ENTPD3: variants seen among roughly 807,000 people sequenced by gnomAD.
ENTPD3 encodes CD39 antigen-like 3.
In ENTPD3, 60 loss-of-function variants were observed where a neutral mutation model predicts 51.2. The ratio of observed to expected loss-of-function variants is 1.17; its 90% CI spans 0.95 to 1.45. The LOEUF is 1.45. Ranked by LOEUF, ENTPD3 falls within the 40% of genes most tolerant of loss-of-function variation. The pLI is 0.00. For synonymous variants in ENTPD3, 221 were observed against 238.4 expected, an observed-to-expected ratio of 0.93 and a Z score of 0.67; for missense variants, 593 against 641.1, an observed-to-expected ratio of 0.93 and a Z score of 0.81.
At chr3:40,392,882 A>G (rs963493556) in intron 3 of ENTPD3, among the ~76,000 whole-genome samples, 8 of 152,078 alleles carry the variant, frequency 5.3e-5, no homozygotes, top group Non-Finnish European at 1.0e-4. Flanking sequence ...TGAACAAAAA[A>G]TCAAGAACTT....
At chr3:40,398,573 C>A (rs1476948911) in intron 3 of ENTPD3, among the ~76,000 whole-genome samples, 1 of 152,104 alleles carries the variant, frequency 6.6e-6, no homozygotes, top group Non-Finnish European at 1.5e-5. Context: ...ACCCTTGTTC[C>A]CCATGAGGGA....
In ENTPD3 at chr3:40,388,112, G is replaced by A; in HGVS notation, c.40+15G>A. On this transcript the variant is annotated intron_variant, in intron 2 of 10. Transcript: ENST00000301825. Reference sequence around the variant, plus strand: ...TGAGCAAGCAGGTTAGTATCTCTCAGCAGGTAGCAAGCGTGGTTTTGCCAA... The same window carrying A: ...TGAGCAAGCAGGTTAGTATCTCTCAACAGGTAGCAAGCGTGGTTTTGCCAA... 6.2e-7 allele frequency: 1 copy of A among 1,614,070 alleles called. No homozygotes were observed. The highest frequency in any genetic ancestry group is 8.5e-7 in the Non-Finnish European group (1 of 1,179,942).
chr3:40,402,496 C>G (rs140465105), intron 4 of ENTPD3, among the ~76,000 whole-genome samples: 3 of 152,146 alleles, frequency 2.0e-5, no homozygotes, highest in Admixed American at 2.0e-4. Flanking sequence ...TATTTATAGG[C>G]ATTTCTGTTT....
intron 3 of ENTPD3, chr3:40,399,578 G>T (rs141573924): frequency 6.6e-6 from 1 of 152,156 alleles, no homozygotes; most frequent in Non-Finnish European, 1.5e-5. Context: ...AAGGTGGTGC[G>T]GTGGGAGACT....
chr3:40,423,791 C>A, intron 9 of ENTPD3, 35 bp from the exon 10 acceptor site: 1 of 1,608,346 alleles, frequency 6.2e-7, no homozygotes, highest in Non-Finnish European at 8.5e-7. Context: ...AACATACCTG[C>A]CTGCCCTGCC....
In ENTPD3 at chr3:40,412,347, C is replaced by T. The variant is rs550472024; in HGVS notation, c.437+385C>T. ...ACAACCCATAGCTATGTAGCTTCCG[C>T]TTGTGTACAAAATACCACTGAAATC... On this transcript the variant is annotated intron_variant, in intron 5 of 10. Transcript: ENST00000301825. Among the ~76,000 whole-genome samples, 9 of 152,302 alleles carry T rather than the reference C, an allele frequency of 5.9e-5. No homozygotes were observed. In the East Asian group the frequency reaches 1.2e-3, roughly 20 times the overall value.
intron 4 of ENTPD3, among the ~76,000 whole-genome samples, chr3:40,405,478 C>A (rs530451182): frequency 3.3e-5 from 5 of 150,912 alleles, no homozygotes; most frequent in Non-Finnish European, 5.9e-5. Flanking sequence ...GCACTCCAGC[C>A]TGGGTGACAG....
chr3:40,400,776 C>A, intron 3 of ENTPD3, 118 bp from the exon 4 acceptor site: 1 of 697,200 alleles, frequency 1.4e-6, no homozygotes, highest in South Asian at 2.1e-5. Context: ...TATTGATTAG[C>A]CCTTCCCTAA....
chr3:40,427,674 C>T lies in ENTPD3; in HGVS notation c.*166C>T. The T allele has an allele frequency of 3.2e-6, 2 of 616,710 alleles. No homozygotes were observed. Among genetic ancestry groups the T allele is most frequent in the Non-Finnish European group, 2.9e-6 (1 of 345,684 alleles). The allele number at this position is 616,710 out of a possible 1,614,324, so 38.2% of individuals were successfully genotyped here. ...ATTTCTGCCACAGCACCTCTTGAGGCATCCCTTGGCTATTCTGTGCATATT... is the reference window on the plus strand; with the variant it reads ...ATTTCTGCCACAGCACCTCTTGAGGTATCCCTTGGCTATTCTGTGCATATT... On this transcript the variant is annotated 3_prime_UTR_variant, in exon 11 of 11. Coordinates refer to ENST00000301825, the MANE Select transcript of ENTPD3 (RefSeq NM_001248.4).
intron 7 of ENTPD3, among the ~76,000 whole-genome samples, chr3:40,418,024 T>C (rs987514667): frequency 1.3e-5 from 2 of 152,200 alleles, no homozygotes; most frequent in Admixed American, 1.3e-4. Context: ...TGATTATCTA[T>C]GTATCCAGCA....
At chr3:40,389,838 A>T (rs1186440718) in intron 2 of ENTPD3, among the ~76,000 whole-genome samples, 1 of 152,224 alleles carries the variant, frequency 6.6e-6, no homozygotes, top group Non-Finnish European at 1.5e-5. Flanking sequence ...TCTTCTGGGA[A>T]AATGGCTTAC....
At chr3:40,420,173 T>G (rs1207116052) in intron 7 of ENTPD3, among the ~76,000 whole-genome samples, 1 of 152,090 alleles carries the variant, frequency 6.6e-6, no homozygotes, top group Non-Finnish European at 1.5e-5. Flanking sequence ...AAAGTACAAA[T>G]CAGATTTGGA....
intron 3 of ENTPD3, 111 bp downstream of exon 3, chr3:40,392,261 T>C (rs1955076192): frequency 7.5e-7 from 1 of 1,327,120 alleles, no homozygotes; most frequent in Non-Finnish European, 1.0e-6. Flanking sequence ...CCCCCATCTC[T>C]GGCTGAAGCC....
intron 2 of ENTPD3, among the ~76,000 whole-genome samples, chr3:40,389,123 A>G (rs1218148895): frequency 6.6e-6 from 1 of 152,248 alleles, no homozygotes; most frequent in Admixed American, 6.5e-5. Context: ...CCCCCAAAAC[A>G]CTTTGAAATG....
intron 4 of ENTPD3, among the ~76,000 whole-genome samples, chr3:40,411,317 A>AAAGAAG (rs1955627160): frequency 6.6e-6 from 1 of 151,998 alleles, no homozygotes; most frequent in Non-Finnish European, 1.5e-5. Context: ...AAAAAAAGAA[A>AAAGAAG]AGAAAAAGAA....
chr3:40,427,634 G>A lies in ENTPD3; in HGVS notation c.*126G>A, dbSNP rs1353257375. 1 of 706,142 alleles carries A rather than the reference G, an allele frequency of 1.4e-6. No individual in the cohort carries two copies. The highest frequency in any genetic ancestry group is 2.5e-6 in the Non-Finnish European group (1 of 403,200). The allele number at this position is 706,142 out of a possible 1,614,324, so 43.7% of individuals were successfully genotyped here. ...CTAAAATCAAACACCTAGGTCACGT[G>A]CCTCTCAAATACTGATTTCTGCCAC... On this transcript the variant is annotated 3_prime_UTR_variant, in exon 11 of 11. Transcript: ENST00000301825.
chr3:40,401,409 C>T (rs1031002381), intron 4 of ENTPD3, among the ~76,000 whole-genome samples: 3 of 152,090 alleles, frequency 2.0e-5, no homozygotes. Flanking sequence ...CCCAATTTGC[C>T]CAGGATGATG....
At chr3:40,400,813 AG>A (rs1955336234) in intron 3 of ENTPD3, 80 bp from the exon 4 acceptor site, 2 of 984,410 alleles carry the variant, frequency 2.0e-6, no homozygotes, top group Admixed American at 3.7e-5. Flanking sequence ...TAAGGTACTC[AG>A]GGTTCTCAGT....
chr3:40,397,119 CT>C (rs3064608), intron 3 of ENTPD3, among the ~76,000 whole-genome samples: 1,665 of 101,294 alleles, frequency 0.016, 27 homozygotes, highest in East Asian at 0.045. Flanking sequence ...TAATTAGTTT[CT>C]TTTTTTTTTT....
Sources: gnomAD v4.1 joint callset for allele counts (sites outside exome capture counted in the v4.1 genomes callset) on GRCh38, gnomAD v4.1.1 for gene constraint, MANE v1.5 for transcripts, NCBI Gene and HGNC (gene_info 2026-07-23, HGNC 2026-07-21) for gene names.